The following ITPR2 variants were observed in gnomAD, a reference collection of about 807,000 sequenced individuals.
ITPR2 encodes inositol 1,4,5-trisphosphate receptor type 2, also known as inositol 1,4,5-trisphosphate-gated calcium channel ITPR2.
Under a neutral mutation model 317.1 loss-of-function variants are expected in ITPR2, and 207 were observed. The observed-to-expected ratio is 0.65, with a 90% CI of 0.58 to 0.73. The LOEUF is 0.73. ITPR2 is among the 30% of genes least tolerant of loss of function. The probability of loss-of-function intolerance (pLI) is 0.00; values close to 1 mark genes in which losing one functional copy is unlikely to be tolerated. For missense variants in ITPR2, 2,613 were observed against 3,284.0 expected, an observed-to-expected ratio of 0.80 and a Z score of 4.99; for synonymous variants, 1,156 against 1,149.1, an observed-to-expected ratio of 1.01 and a Z score of -0.12.
intron 55 of ITPR2, among the ~76,000 whole-genome samples, chr12:26,361,729 C>T (rs950670706): frequency 6.6e-6 from 1 of 152,182 alleles, no homozygotes; most frequent in Non-Finnish European, 1.5e-5. Flanking sequence ...TCCAAAGGAA[C>T]ATTGAAAACG....
chr12:26,461,834 A>G (rs973448103), intron 45 of ITPR2, among the ~76,000 whole-genome samples: 4 of 151,814 alleles, frequency 2.6e-5, no homozygotes, highest in Admixed American at 2.0e-4. Context: ...AATCCTGACA[A>G]GGGACTTTTC....
intron 1 of ITPR2, among the ~76,000 whole-genome samples, chr12:26,829,486 G>A (rs983849811): frequency 6.6e-6 from 1 of 151,962 alleles, no homozygotes; most frequent in East Asian, 1.9e-4. Context: ...GACCACAGGC[G>A]TGCACCACCA....
chr12:26,678,430 A>G (rs897098186), intron 13 of ITPR2, among the ~76,000 whole-genome samples: 11 of 134,292 alleles, frequency 8.2e-5, no homozygotes, highest in East Asian at 4.8e-4. Flanking sequence ...GAGAGAGAGA[A>G]AAAAAAAATT....
chr12:26,756,163 A>C (rs1022623419), intron 2 of ITPR2, among the ~76,000 whole-genome samples: 2 of 152,246 alleles, frequency 1.3e-5, no homozygotes, highest in Admixed American at 1.3e-4. Flanking sequence ...TAAAAATGGG[A>C]AACGGGAGAG....
intron 37 of ITPR2, among the ~76,000 whole-genome samples, chr12:26,546,553 TA>T (rs1386873326): frequency 6.6e-6 from 1 of 152,198 alleles, no homozygotes; most frequent in Non-Finnish European, 1.5e-5. Context: ...GGAAGAATCT[TA>T]AAATTCATAT....
chr12:26,437,265 G>C (rs1016030947), intron 47 of ITPR2, among the ~76,000 whole-genome samples: 1 of 152,144 alleles, frequency 6.6e-6, no homozygotes, highest in Non-Finnish European at 1.5e-5. Flanking sequence ...TTAATCAAGG[G>C]GGAAAGGCAC....
In ITPR2 at chr12:26,833,060, T is replaced by A. The variant is rs1040193407; in HGVS notation, c.-279A>T. 4.0e-5 allele frequency: 17 copies of A among 425,736 alleles called. No homozygotes were observed. The highest frequency in any genetic ancestry group is 6.2e-5 in the Non-Finnish European group (15 of 242,330). 26.4% of individuals were successfully genotyped at this position (425,736 alleles called of 1,614,324 possible). A position where few individuals can be genotyped will look rare whatever the true frequency, so the allele number is the denominator to read the frequency against. ...AGCCGCCGCCGCCTCCCCGGCAGGTTTCCTGTTCCTTTCTGAAGTTTTCTC... is the reference window on the plus strand; with the variant it reads ...AGCCGCCGCCGCCTCCCCGGCAGGTATCCTGTTCCTTTCTGAAGTTTTCTC... On this transcript the variant is annotated 5_prime_UTR_variant, in exon 1 of 57. Coordinates refer to ENST00000381340, the MANE Select transcript of ITPR2 (RefSeq NM_002223.4).
intron 55 of ITPR2, among the ~76,000 whole-genome samples, chr12:26,372,719 G>T (rs528249647): frequency 1.8e-4 from 28 of 152,240 alleles, no homozygotes; most frequent in African/African-American, 6.7e-4. Flanking sequence ...CAATAAAATG[G>T]GTTATCTTAT....
intron 6 of ITPR2, 114 bp from the exon 7 acceptor site, chr12:26,715,949 T>C (rs886785392): frequency 9.9e-6 from 8 of 807,592 alleles, no homozygotes; most frequent in Admixed American, 6.5e-5. Context: ...ATGAAGTATA[T>C]AGCTCAATAC....
intron 26 of ITPR2, among the ~76,000 whole-genome samples, chr12:26,604,025 G>T (rs1254993571): frequency 6.6e-6 from 1 of 152,144 alleles, no homozygotes; most frequent in East Asian, 1.9e-4. Context: ...CCTAGTTTAA[G>T]CTCAGGAAAA....
At position 26,594,337 on chromosome 12, in the gene ITPR2, T is replaced by C. The variant is rs555264059; in HGVS notation, c.4380+1128A>G. Among the ~76,000 whole-genome samples the C allele has an allele frequency of 2.4e-4, 37 of 152,106 alleles. 1 individual carries two copies. Among genetic ancestry groups the C allele is most frequent in the African/African-American group, 7.7e-4 (32 of 41,508 alleles). On this transcript the variant is annotated intron_variant, in intron 32 of 56. Coordinates refer to ENST00000381340, the MANE Select transcript of ITPR2 (RefSeq NM_002223.4). ...GTGGTCTGGAATAACGTATGATTCA[T>C]TGTATTATCCAAGGGTGCTCTTACA...
rs145507184 is a variant in ITPR2, at chr12:26,486,736, T to C, written c.5554+332A>G. 6.5e-3 allele frequency: 3,598 copies of C among 555,442 alleles called. 29 individuals carry two copies. Among genetic ancestry groups the C allele is most frequent in the African/African-American group, 0.018 (981 of 53,936 alleles). The allele number at this position is 555,442 out of a possible 1,614,324, so 34.4% of individuals were successfully genotyped here. A position where few individuals can be genotyped will look rare whatever the true frequency, so the allele number is the denominator to read the frequency against. On this transcript the variant is annotated intron_variant, in intron 40 of 56. Transcript: ENST00000381340. ...CATTCTGAATACCAAGAATCTTTCATTGGAGTTTGGTGTGGTAATTTCTGT... is the reference window on the plus strand; with the variant it reads ...CATTCTGAATACCAAGAATCTTTCACTGGAGTTTGGTGTGGTAATTTCTGT...
At chr12:26,383,491 T>C (rs1446661918) in intron 55 of ITPR2, among the ~76,000 whole-genome samples, 1 of 151,648 alleles carries the variant, frequency 6.6e-6, no homozygotes, top group South Asian at 2.1e-4. Context: ...TGTTTGTTTG[T>C]TTGTTTTTTT....
intron 9 of ITPR2, among the ~76,000 whole-genome samples, chr12:26,706,025 A>T (rs1366525841): frequency 6.6e-6 from 1 of 152,232 alleles, no homozygotes; most frequent in Non-Finnish European, 1.5e-5. Flanking sequence ...TAGAAAGCAG[A>T]TCATTCAGAC....
At chr12:26,561,482 C>T (rs542148377) in intron 35 of ITPR2, among the ~76,000 whole-genome samples, 28 of 152,148 alleles carry the variant, frequency 1.8e-4, no homozygotes, top group Non-Finnish European at 3.4e-4. Context: ...GTTGATTTAC[C>T]AGTGTTATCA....
intron 37 of ITPR2, among the ~76,000 whole-genome samples, chr12:26,509,175 G>C (rs1231537424): frequency 6.6e-6 from 1 of 152,188 alleles, no homozygotes; most frequent in Admixed American, 6.5e-5. Flanking sequence ...TATATGAAAT[G>C]TCCAGAAGAG....
At chr12:26,579,989 C>T (rs377714911) in intron 33 of ITPR2, 38 bp downstream of exon 33, 1 of 1,576,842 alleles carries the variant, frequency 6.3e-7, no homozygotes, top group Non-Finnish European at 8.6e-7. Context: ...ATAAGAGAAA[C>T]TCTTTGCAAC....
chr12:26,686,478 T>C lies in ITPR2; in HGVS notation c.1148+3A>G. The stretch of plus-strand genomic sequence containing the variant: ...AACATCTTTTAACCATAATTTTTTT[T>C]ACCTTGGAACCAGGCAGTCAGCTCT... On this transcript the variant is annotated splice_donor_region_variant and intron_variant, in intron 11 of 56. Coordinates refer to ENST00000381340, the MANE Select transcript of ITPR2 (RefSeq NM_002223.4). 1 of 1,548,918 alleles carries C rather than the reference T, an allele frequency of 6.5e-7. No individual in the cohort carries two copies. Among genetic ancestry groups the C allele is most frequent in the South Asian group, 1.3e-5 (1 of 78,370 alleles).
intron 18 of ITPR2, 76 bp from the exon 19 acceptor site, chr12:26,656,624 C>G: frequency 6.8e-7 from 1 of 1,477,734 alleles, no homozygotes; most frequent in Non-Finnish European, 9.3e-7. Context: ...CAATCAGTAT[C>G]TATGTTTAAG....
Sources: gnomAD v4.1 joint callset for allele counts (sites outside exome capture counted in the v4.1 genomes callset) on GRCh38, gnomAD v4.1.1 for gene constraint, MANE v1.5 for transcripts, NCBI Gene and HGNC (gene_info 2026-07-23, HGNC 2026-07-21) for gene names.